SLC25A36: variants seen among roughly 807,000 people sequenced by gnomAD.
SLC25A36 encodes epididymis secretory sperm binding protein.
SLC25A36 carries 24 observed loss-of-function variants against 35.3 expected under a neutral mutation model. The observed-to-expected ratio is 0.68, with a 90% CI of 0.49 to 0.96. SLC25A36 has a LOEUF of 0.96. Ranked by LOEUF, SLC25A36 falls within the 40% of genes least tolerant of loss-of-function variation. The probability of loss-of-function intolerance (pLI) is 0.00; values close to 1 mark genes in which losing one functional copy is unlikely to be tolerated. For missense variants in SLC25A36, 294 were observed against 381.1 expected (o/e 0.77, Z 1.90); for synonymous variants, 141 against 132.2 (o/e 1.07, Z -0.46).
In SLC25A36 at chr3:140,979,340, G is replaced by A. The variant is rs565034861; in HGVS notation, c.*2887G>A. ...TTTAAATCACTAAAAATATTTATTCGGATTTGAAGGATTTAAGTGCTAAAA... is the reference window on the plus strand; with the variant it reads ...TTTAAATCACTAAAAATATTTATTCAGATTTGAAGGATTTAAGTGCTAAAA... On this transcript the variant is annotated 3_prime_UTR_variant, in exon 7 of 7. Transcript: ENST00000324194. The A allele has an allele frequency of 6.6e-5, 10 of 152,106 alleles. No individual in the cohort carries two copies. The highest frequency in any genetic ancestry group is 1.0e-4 in the Non-Finnish European group (7 of 67,960). 9.4% of individuals were successfully genotyped at this position (152,106 alleles called of 1,614,324 possible).
At chr3:140,975,722 C>G (rs2107820377) in intron 6 of SLC25A36, among the ~76,000 whole-genome samples, 1 of 152,252 alleles carries the variant, frequency 6.6e-6, no homozygotes, top group East Asian at 1.9e-4. Flanking sequence ...ATTATTTTTG[C>G]TTACCTGATT....
At chr3:140,974,148 G>C (rs763574196) in intron 6 of SLC25A36, 143 bp downstream of exon 6, 3 of 597,596 alleles carry the variant, frequency 5.0e-6, no homozygotes, top group Non-Finnish European at 8.6e-6. Context: ...ATCTGGTTAA[G>C]TAATGTAGGC....
intron 1 of SLC25A36, among the ~76,000 whole-genome samples, chr3:140,954,406 C>G (rs1934422056): frequency 6.6e-6 from 1 of 152,156 alleles, no homozygotes; most frequent in Admixed American, 6.5e-5. Context: ...GGGTCAGTAC[C>G]TACAAGTGAG....
At chr3:140,957,146 C>T (rs1314416740) in intron 2 of SLC25A36, 2 of 152,292 alleles carry the variant, frequency 1.3e-5, no homozygotes, top group African/African-American at 4.8e-5. Context: ...TTAACATTTC[C>T]TGATGGTTTG....
intron 4 of SLC25A36, chr3:140,968,191 T>A: frequency 1.1e-6 from 1 of 938,204 alleles, no homozygotes; most frequent in Non-Finnish European, 1.3e-6. Flanking sequence ...AGCCTAGTAA[T>A]GTCTATTTAG....
intron 1 of SLC25A36, among the ~76,000 whole-genome samples, chr3:140,952,085 C>G (rs1000378870): frequency 1.3e-5 from 2 of 150,788 alleles, no homozygotes; most frequent in Non-Finnish European, 2.9e-5. Context: ...GGCACAATCT[C>G]GGCTCACTGC....
intron 1 of SLC25A36, among the ~76,000 whole-genome samples, chr3:140,954,915 A>G (rs1427433809): frequency 1.3e-5 from 2 of 152,092 alleles, no homozygotes; most frequent in African/African-American, 4.8e-5. Context: ...TCTGTGCCTA[A>G]CGCAAAGTTA....
In SLC25A36 at chr3:140,980,845, C is replaced by T. The variant is rs1013703966; in HGVS notation, c.*4392C>T. Among the ~76,000 whole-genome samples the T allele has an allele frequency of 2.6e-5, 4 of 151,972 alleles. No homozygotes were observed. The highest frequency in any genetic ancestry group is 1.9e-4 in the East Asian group (1 of 5,192). On this transcript the variant is annotated 3_prime_UTR_variant, in exon 7 of 7. Transcript: ENST00000324194. Reference sequence around the variant, plus strand: ...GACTTCCCTTCTGTTTCTTTATTTTCGCACTGTGTAGACCAGCTGACTGCC... The same window carrying T: ...GACTTCCCTTCTGTTTCTTTATTTTTGCACTGTGTAGACCAGCTGACTGCC...
chr3:140,951,960 A>T (rs560248994), intron 1 of SLC25A36, among the ~76,000 whole-genome samples: 1 of 151,502 alleles, frequency 6.6e-6, no homozygotes, highest in African/African-American at 2.4e-5. Flanking sequence ...TGACCTCCCA[A>T]GTAGCTGGGA....
In SLC25A36 at chr3:140,956,606, C is replaced by T; in HGVS notation, c.121C>T (p.Leu41Phe). Residue 41 changes from leucine to phenylalanine, a missense_variant, in exon 2 of 7, where the codon CTT becomes TTT. Physicochemically the swap from Leu to Phe is conservative, Grantham distance 22. Coordinates refer to ENST00000324194, the MANE Select transcript of SLC25A36 (RefSeq NM_001104647.3). ...ACGACTGCAGTCATCTTCTGTGACG[C>T]TTTATATTTCTGAAGTTCAGCTGAA... ...KTRLQSSSVT[L>F]YISEVQLNTM... 1 of 1,613,192 alleles carries T rather than the reference C, an allele frequency of 6.2e-7. No individual in the cohort carries two copies. Among genetic ancestry groups the T allele is most frequent in the East Asian group, 2.2e-5 (1 of 44,830 alleles).
At chr3:140,966,419 G>T in intron 4 of SLC25A36, 1 of 251,264 alleles carries the variant, frequency 4.0e-6, no homozygotes, top group Non-Finnish European at 8.2e-6. Context: ...ACTGGCCATA[G>T]TGCAAAAGGT....
At chr3:140,948,021 T>C (rs912552773) in intron 1 of SLC25A36, among the ~76,000 whole-genome samples, 3 of 152,336 alleles carry the variant, frequency 2.0e-5, no homozygotes, top group Admixed American at 2.0e-4. Flanking sequence ...TGGCACGATC[T>C]CGGCTCACTG....
At chr3:140,955,294 A>G (rs910085810) in intron 1 of SLC25A36, among the ~76,000 whole-genome samples, 1 of 151,866 alleles carries the variant, frequency 6.6e-6, no homozygotes, top group Non-Finnish European at 1.5e-5. Context: ...TGTTTAGTGT[A>G]TTATTGCATG....
rs555780867 is a variant in SLC25A36, at chr3:140,968,162, A to T, written c.386-2765A>T. The T allele has an allele frequency of 1.1e-4, 106 of 942,474 alleles. 1 individual carries two copies. In the Admixed American group the frequency reaches 3.0e-3, roughly 27 times the overall value. The allele number at this position is 942,474 out of a possible 1,614,324, so 58.4% of individuals were successfully genotyped here. A position where few individuals can be genotyped will look rare whatever the true frequency, so the allele number is the denominator to read the frequency against. On this transcript the variant is annotated intron_variant, in intron 4 of 6. Transcript: ENST00000324194. ...GCTTCATTTCTTAGATTATTAGATT[A>T]TATTTATTAGATGTAATTAGCCTAG...
intron 1 of SLC25A36, 83 bp downstream of exon 1, chr3:140,942,178 G>T (rs1487018386): frequency 6.2e-5 from 8 of 128,494 alleles, no homozygotes; most frequent in Admixed American, 4.9e-4. Context: ...GGGGGCCGAG[G>T]GGGGTGGGGG....
At chr3:140,968,556 T>G in intron 4 of SLC25A36, 20 of 935,864 alleles carry the variant, frequency 2.1e-5, no homozygotes, top group Non-Finnish European at 2.5e-5. Context: ...TCTGACATTA[T>G]AGTAATATGT....
intron 4 of SLC25A36, chr3:140,966,889 T>A (rs1559815638): frequency 8.8e-6 from 4 of 456,164 alleles, no homozygotes; most frequent in Non-Finnish European, 1.3e-5. Context: ...TCTGATGAGG[T>A]CACTGCTTGT....
chr3:140,941,894 G>T lies in SLC25A36; in HGVS notation c.-161G>T, dbSNP rs1229152341. On this transcript the variant is annotated 5_prime_UTR_variant, in exon 1 of 7. Transcript: ENST00000324194. ...CGGTGGCGCGGCTGGAGTGCCGCGG[G>T]GAGGGCTGTGCCGGTTGCTTTCTGC... 3.9e-6 allele frequency: 2 copies of T among 518,382 alleles called. No homozygotes were observed. The highest frequency in any genetic ancestry group is 2.7e-5 in the South Asian group (1 of 37,188). The allele number at this position is 518,382 out of a possible 1,614,324, so 32.1% of individuals were successfully genotyped here.
Position 140,970,999 on chromosome 3 carries a change from T to A in SLC25A36, c.452+6T>A. On this transcript the variant is annotated splice_donor_region_variant and intron_variant, in intron 5 of 6. Coordinates refer to ENST00000324194, the MANE Select transcript of SLC25A36 (RefSeq NM_001104647.3). ...CGGTTACAGCTTGATGCAAGGTATG[T>A]TAATTCCTTAAAATAAAATTGGTTA... 1 of 1,299,018 alleles carries A rather than the reference T, an allele frequency of 7.7e-7. No individual in the cohort carries two copies. Among genetic ancestry groups the A allele is most frequent in the Non-Finnish European group, 1.1e-6 (1 of 898,118 alleles). The allele number at this position is 1,299,018 out of a possible 1,614,324, so 80.5% of individuals were successfully genotyped here.
Sources: gnomAD v4.1 joint callset for allele counts (sites outside exome capture counted in the v4.1 genomes callset) on GRCh38, gnomAD v4.1.1 for gene constraint, MANE v1.5 for transcripts, NCBI Gene and HGNC (gene_info 2026-07-23, HGNC 2026-07-21) for gene names.